MPP7: variants seen among roughly 807,000 people sequenced by gnomAD.
MPP7 encodes the protein MAGUK p55 scaffold protein 7.
A neutral mutation model predicts 76.5 loss-of-function variants in MPP7; 60 were observed. The ratio of observed to expected loss-of-function variants is 0.78; its 90% CI spans 0.64 to 0.97. The LOEUF is 0.97. Among genes scored for constraint, MPP7 ranks in the 50% least tolerant of loss-of-function variants. The pLI is 0.00. For missense variants in MPP7, 641 were observed against 694.0 expected, an observed-to-expected ratio of 0.92 and a Z score of 0.86; for synonymous variants, 237 against 244.5, an observed-to-expected ratio of 0.97 and a Z score of 0.29.
chr10:28,263,543 A>G (rs78379196), intron 1 of MPP7, among the ~76,000 whole-genome samples: 2,813 of 152,312 alleles, frequency 0.018, 81 homozygotes, highest in African/African-American at 0.063. Flanking sequence ...AAATTGGCTC[A>G]TGAGCCATAT....
chr10:28,120,556 C>T (rs1834802734), intron 9 of MPP7, 38 bp downstream of exon 9: 5 of 1,576,902 alleles, frequency 3.2e-6, no homozygotes, highest in Non-Finnish European at 4.4e-6. Context: ...CATGACTTCC[C>T]TCCCACGCAC....
At chr10:28,160,113 GAA>G (rs59503220) in intron 3 of MPP7, among the ~76,000 whole-genome samples, 198 of 142,648 alleles carry the variant, frequency 1.4e-3, no homozygotes, top group Middle Eastern at 7.1e-3. Flanking sequence ...TTGATCATTA[GAA>G]AAAAAAAAAA....
intron 12 of MPP7, among the ~76,000 whole-genome samples, chr10:28,076,162 C>T (rs1852474114): frequency 6.6e-6 from 1 of 152,128 alleles, no homozygotes; most frequent in Admixed American, 6.5e-5. Context: ...ACTCTAGGTA[C>T]AGTGAGTTTA....
intron 2 of MPP7, among the ~76,000 whole-genome samples, chr10:28,327,490 G>T (rs1148182): frequency 6.6e-6 from 1 of 151,968 alleles, no homozygotes; most frequent in Non-Finnish European, 1.5e-5. Context: ...AATAGGAAGA[G>T]CTGGATAAAG....
intron 3 of MPP7, among the ~76,000 whole-genome samples, chr10:28,195,263 G>A (rs1256188249): frequency 6.6e-6 from 1 of 152,176 alleles, no homozygotes; most frequent in Non-Finnish European, 1.5e-5. Flanking sequence ...TGAAGATACA[G>A]ACAAATCAGA....
chr10:28,062,463 T>C (rs1345138228), intron 13 of MPP7, among the ~76,000 whole-genome samples: 1 of 147,758 alleles, frequency 6.8e-6, no homozygotes, highest in Admixed American at 6.8e-5. Context: ...TACAATAAAA[T>C]ACAGAAGAGA....
chr10:28,310,090 C>T (rs1162864001), intron 2 of MPP7, among the ~76,000 whole-genome samples: 1 of 151,168 alleles, frequency 6.6e-6, no homozygotes, highest in African/African-American at 2.4e-5. Context: ...CAACCTCTGC[C>T]TCCTGGGTTC....
intron 2 of MPP7, among the ~76,000 whole-genome samples, chr10:28,212,561 T>C (rs1339479509): frequency 6.6e-6 from 1 of 152,106 alleles, no homozygotes; most frequent in Non-Finnish European, 1.5e-5. Flanking sequence ...CACTGGCACA[T>C]GATTTGTACT....
intron 1 of MPP7, among the ~76,000 whole-genome samples, chr10:28,287,277 T>C (rs1840810648): frequency 6.6e-6 from 1 of 152,174 alleles, no homozygotes; most frequent in African/African-American, 2.4e-5. Flanking sequence ...AGACGGTTAA[T>C]AAGACGGTAT....
chr10:28,250,561 GA>G (rs1428740985), intron 1 of MPP7, among the ~76,000 whole-genome samples: 1 of 152,128 alleles, frequency 6.6e-6, no homozygotes, highest in Non-Finnish European at 1.5e-5. Flanking sequence ...ATCTTTCAAA[GA>G]TCCTTACGTG....
rs76850840 is a variant in MPP7 at position 28,272,194 on chromosome 10, C to A, written c.-132+30667G>T. Among the ~76,000 whole-genome samples, 719 of 152,276 alleles carry A rather than the reference C, an allele frequency of 4.7e-3. 7 individuals carry two copies. The highest frequency in any genetic ancestry group is 0.016 in the African/African-American group (653 of 41,562). On this transcript the variant is annotated intron_variant, in intron 1 of 16. Coordinates refer to ENST00000683449, the MANE Select transcript of MPP7 (RefSeq NM_001318170.2). ...AAAATACCTGAAGTAAGACTATTCA[C>A]CCATCTTCAGCCAAACTAAAATGCA...
intron 3 of MPP7, among the ~76,000 whole-genome samples, chr10:28,165,962 T>A (rs560403191): frequency 1.4e-5 from 2 of 146,132 alleles, no homozygotes; most frequent in Non-Finnish European, 3.0e-5. Flanking sequence ...GAGGCAGAGG[T>A]TGCAGTGAGC....
At chr10:28,333,379 A>G (rs753543674) in intron 1 of MPP7, among the ~76,000 whole-genome samples, 5 of 152,140 alleles carry the variant, frequency 3.3e-5, no homozygotes, top group Admixed American at 3.3e-4. Context: ...TCCTGACCTA[A>G]GGTGATCCAC....
chr10:28,062,580 A>ACACACACC (rs1368870710), intron 13 of MPP7, among the ~76,000 whole-genome samples: 5 of 132,584 alleles, frequency 3.8e-5, no homozygotes, highest in Non-Finnish European at 6.4e-5. Flanking sequence ...ACACACACAC[A>ACACACACC]CCAAAGGTTG....
intron 1 of MPP7, among the ~76,000 whole-genome samples, chr10:28,298,570 A>G (rs1350549070): frequency 2.0e-5 from 3 of 152,190 alleles, no homozygotes; most frequent in African/African-American, 7.2e-5. Flanking sequence ...GCACAGGCAG[A>G]GTAGATTTTG....
chr10:28,225,996 CAACT>C (rs1457470662), intron 2 of MPP7, among the ~76,000 whole-genome samples: 1 of 152,056 alleles, frequency 6.6e-6, no homozygotes, highest in African/African-American at 2.4e-5. Flanking sequence ...ACATGTCCAC[CAACT>C]GATAAATGGA....
chr10:28,117,199 TTAAC>T (rs1440002195), intron 11 of MPP7, among the ~76,000 whole-genome samples: 1 of 152,104 alleles, frequency 6.6e-6, no homozygotes, highest in Non-Finnish European at 1.5e-5. Context: ...GTATAAAAAG[TTAAC>T]TGGCTAATTT....
intron 3 of MPP7, among the ~76,000 whole-genome samples, chr10:28,158,257 C>A (rs1836135872): frequency 6.6e-6 from 1 of 152,118 alleles, no homozygotes; most frequent in Admixed American, 6.6e-5. Context: ...ATACACTTCT[C>A]TAGACTCAAA....
At chr10:28,262,272 TATATA>T (rs1487179754) in intron 1 of MPP7, among the ~76,000 whole-genome samples, 19 of 61,148 alleles carry the variant, frequency 3.1e-4, no homozygotes, top group Non-Finnish European at 4.3e-4. Context: ...TATATATATA[TATATA>T]TTTTTTTTTT....
Sources: allele counts gnomAD v4.1 joint callset (sites outside exome capture counted in the v4.1 genomes callset), GRCh38; gene constraint gnomAD v4.1.1; transcripts MANE v1.5; gene names NCBI Gene and HGNC (gene_info 2026-07-23, HGNC 2026-07-21).